Variants in ETNPPL observed in about 807,000 individuals in gnomAD.
The protein encoded by ETNPPL is ethanolamine-phosphate phospho-lyase, also known as alanine--glyoxylate aminotransferase 2-like 1.
A neutral mutation model predicts 55.5 loss-of-function variants in ETNPPL; 30 were observed. The observed-to-expected ratio is 0.54, with a 90% CI of 0.40 to 0.73. The LOEUF (loss-of-function observed/expected upper bound fraction) is 0.73, where lower values mean the gene tolerates loss of function less well. Ranked by LOEUF, ETNPPL falls within the 30% of genes least tolerant of loss-of-function variation. The pLI is 0.00. For missense variants in ETNPPL, 528 were observed against 607.9 expected (o/e 0.87, Z 1.38); for synonymous variants, 202 against 207.2 (o/e 0.98, Z 0.21).
At chr4:108,753,891 A>G (rs527565969) in intron 5 of ETNPPL, among the ~76,000 whole-genome samples, 1 of 151,676 alleles carries the variant, frequency 6.6e-6, no homozygotes, top group East Asian at 1.9e-4. Flanking sequence ...CTTTTCAACA[A>G]CTTGGTTGGT....
chr4:108,752,684 G>T (rs1377211), intron 6 of ETNPPL, among the ~76,000 whole-genome samples: 13,069 of 152,202 alleles, frequency 0.086, 1,055 homozygotes, highest in East Asian at 0.48. Flanking sequence ...ACCAGATAAT[G>T]GTTGTATTTC....
In ETNPPL at chr4:108,762,770, G is replaced by T. The variant is rs1729576624; in HGVS notation, c.56+73C>A. The T allele has an allele frequency of 3.9e-6, 6 of 1,526,264 alleles. No individual in the cohort carries two copies. The Admixed American group carries it at 8.3e-5, about 21-fold the overall frequency. The allele number at this position is 1,526,264 out of a possible 1,614,324, so 94.5% of individuals were successfully genotyped here. A position where few individuals can be genotyped will look rare whatever the true frequency, so the allele number is the denominator to read the frequency against. On this transcript the variant is annotated intron_variant, in intron 1 of 12. Transcript: ENST00000296486. ...CAGCGCATCGTTTGTTCCCTAGCCGGCTTTCTCTCTCCACCTTCTGCACTC... is the reference window on the plus strand; with the variant it reads ...CAGCGCATCGTTTGTTCCCTAGCCGTCTTTCTCTCTCCACCTTCTGCACTC...
chr4:108,762,642 C>T, intron 1 of ETNPPL: 1 of 688,754 alleles, frequency 1.5e-6, no homozygotes, highest in Non-Finnish European at 2.6e-6. Context: ...GCAGGAAGCC[C>T]AGCGTTCCGG....
rs138073488 is a variant in ETNPPL, at chr4:108,742,489, T to G, written c.1495A>C (p.Thr499Pro). 5.4e-5 allele frequency: 87 copies of G among 1,614,044 alleles called. No individual in the cohort carries two copies. Among genetic ancestry groups the G allele is most frequent in the African/African-American group, 1.3e-5 (1 of 74,938 alleles). The change falls in exon 13 of 13, where the codon ACA (threonine) becomes CCA (proline). Residue 499 changes from threonine (T) to proline (P), a missense_variant. Transcript: ENST00000296486. ...TGCTTTAAAATGCAAATCAGTCATGTCTTGAGCCTCTTACTGAGCAGTGAA... is the reference window on the plus strand; with the variant it reads ...TGCTTTAAAATGCAAATCAGTCATGGCTTGAGCCTCTTACTGAGCAGTGAA... ...THSLLSKRLK[T>P]
chr4:108,749,194 A>G, intron 8 of ETNPPL, 44 bp downstream of exon 8: 1 of 1,451,334 alleles, frequency 6.9e-7, no homozygotes, highest in Non-Finnish European at 9.7e-7. Flanking sequence ...AAGAACATGC[A>G]TTATTTTTCC....
At chr4:108,754,805 C>G in intron 4 of ETNPPL, 95 bp from the exon 5 acceptor site, 1 of 772,696 alleles carries the variant, frequency 1.3e-6, no homozygotes. Flanking sequence ...CATCCATATG[C>G]ATCCATCCAG....
chr4:108,747,196 A>T (rs13124035), intron 9 of ETNPPL, among the ~76,000 whole-genome samples: 1 of 7,848 alleles, frequency 1.3e-4, no homozygotes, highest in African/African-American at 1.1e-3. Flanking sequence ...TATATATATT[A>T]TATATATATA....
Position 108,745,930 on chromosome 4 carries a change from C to CAAAAA in ETNPPL, c.1303+464_1303+468dup, listed in dbSNP as rs5860940. Reference sequence around the variant, plus strand: ...TGGATGACAGAGTGAGACTCCATCTCAAAAAAAAAAAAAAAAAAAACCACG... The same window carrying CAAAAA: ...TGGATGACAGAGTGAGACTCCATCTCAAAAAAAAAAAAAAAAAAAAAAAAACCACG... On this transcript the variant is annotated intron_variant, in intron 11 of 12. Transcript: ENST00000296486. 9.9e-5 allele frequency among the ~76,000 whole-genome samples: 7 copies of CAAAAA among 70,848 alleles called. 1 individual carries two copies. The highest frequency in any genetic ancestry group is 5.9e-4 in the East Asian group (2 of 3,370). 46.5% of individuals were successfully genotyped at this position (70,848 alleles called of 152,430 possible).
At position 108,743,776 on chromosome 4, in the gene ETNPPL, A is replaced by G; in HGVS notation, c.1371+13T>C. ...TAAACTTTCCCCCTAAAAATAAAGTAGCCAACCCTTACCTTTGTTTTGCAT... is the reference window on the plus strand; with the variant it reads ...TAAACTTTCCCCCTAAAAATAAAGTGGCCAACCCTTACCTTTGTTTTGCAT... On this transcript the variant is annotated intron_variant, in intron 12 of 12. Coordinates refer to ENST00000296486, the MANE Select transcript of ETNPPL (RefSeq NM_031279.4). The G allele has an allele frequency of 6.3e-7, 1 of 1,587,936 alleles. No homozygotes were observed. The highest frequency in any genetic ancestry group is 2.2e-5 in the East Asian group (1 of 44,776).
chr4:108,759,908 A>G lies in ETNPPL; in HGVS notation c.176T>C (p.Val59Ala), dbSNP rs1398141488. The change falls in exon 3 of 13, where the codon GTG becomes GCG. Residue 59 changes from valine to alanine, a missense_variant and splice_region_variant. Transcript: ENST00000296486. ...YLDCINNVAH[V>A]GHCHPGVVKA... The stretch of plus-strand genomic sequence containing the variant: ...GACCACTCCTGGGTGACAGTGTCCC[A>G]CTAAAATTTATGAAACAAAAGCCCA... The G allele has an allele frequency of 6.2e-7, 1 of 1,612,468 alleles. No homozygotes were observed. The highest frequency in any genetic ancestry group is 2.2e-5 in the East Asian group (1 of 44,878).
At chr4:108,744,171 G>A (rs1728353185) in intron 11 of ETNPPL, among the ~76,000 whole-genome samples, 1 of 151,770 alleles carries the variant, frequency 6.6e-6, no homozygotes, top group Non-Finnish European at 1.5e-5. Flanking sequence ...TGAGGCAGAA[G>A]AATCACTTGA....
chr4:108,744,879 C>T (rs780658683), intron 11 of ETNPPL, among the ~76,000 whole-genome samples: 7 of 151,866 alleles, frequency 4.6e-5, no homozygotes, highest in Non-Finnish European at 7.4e-5. Flanking sequence ...ACCACCATGT[C>T]CGGCTAATTT....
At chr4:108,761,237 A>G (rs548803851) in intron 1 of ETNPPL, among the ~76,000 whole-genome samples, 7 of 152,308 alleles carry the variant, frequency 4.6e-5, no homozygotes, top group African/African-American at 1.7e-4. Flanking sequence ...GTGATTTTGC[A>G]TACATACAAA....
At chr4:108,754,891 T>C in intron 4 of ETNPPL, 181 bp from the exon 5 acceptor site, 1 of 518,450 alleles carries the variant, frequency 1.9e-6, no homozygotes, top group Non-Finnish European at 3.3e-6. Flanking sequence ...CCTTAATGTG[T>C]ACAATTCTTC....
Position 108,743,774 on chromosome 4 carries a change from G to A in ETNPPL, c.1371+15C>T. On this transcript the variant is annotated intron_variant, in intron 12 of 12. Coordinates refer to ENST00000296486, the MANE Select transcript of ETNPPL (RefSeq NM_031279.4). Reference sequence around the variant, plus strand: ...TTTAAACTTTCCCCCTAAAAATAAAGTAGCCAACCCTTACCTTTGTTTTGC... The same window carrying A: ...TTTAAACTTTCCCCCTAAAAATAAAATAGCCAACCCTTACCTTTGTTTTGC... 6.3e-7 allele frequency: 1 copy of A among 1,582,754 alleles called. No homozygotes were observed. The highest frequency in any genetic ancestry group is 2.2e-5 in the East Asian group (1 of 44,750).
intron 1 of ETNPPL, 84 bp downstream of exon 1, chr4:108,762,759 T>C: frequency 6.7e-7 from 1 of 1,494,770 alleles, no homozygotes; most frequent in Non-Finnish European, 9.3e-7. Context: ...GCATCGTTTG[T>C]TCCCTAGCCG....
chr4:108,762,650 C>T (rs1031565176), intron 1 of ETNPPL, 193 bp downstream of exon 1: 5 of 705,634 alleles, frequency 7.1e-6, no homozygotes, highest in Non-Finnish European at 1.0e-5. Context: ...CCCAGCGTTC[C>T]GGGTTCCAGG....
rs1482401076 is a variant in ETNPPL at position 108,753,773 on chromosome 4, AAAGAAAGAAAGAAAGAAAGAAAGAAAG to A, written c.502-789_502-763del. Among the ~76,000 whole-genome samples the A allele has an allele frequency of 2.7e-3, 342 of 127,390 alleles. 3 individuals carry two copies. The highest frequency in any genetic ancestry group is 0.01 in the African/African-American group (327 of 31,862). 83.6% of individuals were successfully genotyped at this position (127,390 alleles called of 152,430 possible). A position where few individuals can be genotyped will look rare whatever the true frequency, so the allele number is the denominator to read the frequency against. On this transcript the variant is annotated intron_variant, in intron 5 of 12. Transcript: ENST00000296486. ...ATAAGAAAGAAAGAAAGAAAGAAAGAAAGAAAGAAAGAAAGAAAGAAAGAAAGAAAGAAAAGAGAAGAAAAGAAAAGA... is the reference window on the plus strand; with the variant it reads ...ATAAGAAAGAAAGAAAGAAAGAAAGAAAAGAAAAGAGAAGAAAAGAAAAGA...
chr4:108,759,724 AG>A, intron 3 of ETNPPL, 24 bp downstream of exon 3: 2 of 1,603,124 alleles, frequency 1.2e-6, no homozygotes, highest in Non-Finnish European at 8.5e-7. Context: ...GGGAATGGGG[AG>A]GGGTGGGAAA....
Sources: allele counts gnomAD v4.1 joint callset (sites outside exome capture counted in the v4.1 genomes callset), GRCh38; gene constraint gnomAD v4.1.1; transcripts MANE v1.5; gene names NCBI Gene and HGNC (gene_info 2026-07-23, HGNC 2026-07-21).